Variants in TUBD1 observed in about 807,000 individuals in gnomAD.
TUBD1 encodes tubulin delta 1, also known as tubulin delta chain.
TUBD1 carries 38 observed loss-of-function variants against 51.2 expected under a neutral mutation model. The ratio of observed to expected loss-of-function variants is 0.74; its 90% CI spans 0.57 to 0.97. TUBD1 has a LOEUF of 0.97. Ranked by LOEUF, TUBD1 falls within the 50% of genes least tolerant of loss-of-function variation. The pLI is 0.00. For missense variants in TUBD1, 489 were observed against 538.4 expected (o/e 0.91, Z 0.91); for synonymous variants, 169 against 178.2 (o/e 0.95, Z 0.41).
intron 3 of TUBD1, chr17:59,885,345 G>A (rs2040672996): frequency 2.9e-6 from 2 of 694,246 alleles, no homozygotes; most frequent in Non-Finnish European, 5.3e-6. Flanking sequence ...TGTATACCAG[G>A]AATATGTCCC....
chr17:59,864,353 C>T (rs192094241), intron 7 of TUBD1, among the ~76,000 whole-genome samples: 134 of 151,428 alleles, frequency 8.8e-4, no homozygotes, highest in African/African-American at 2.8e-3. Flanking sequence ...ACCATGTTGG[C>T]CAGGCTGGTC....
intron 3 of TUBD1, among the ~76,000 whole-genome samples, chr17:59,881,858 G>A (rs1451913219): frequency 1.3e-5 from 2 of 151,820 alleles, no homozygotes; most frequent in Non-Finnish European, 2.9e-5. Flanking sequence ...TAGTAGAGAC[G>A]GGGTTTCACC....
intron 3 of TUBD1, among the ~76,000 whole-genome samples, chr17:59,882,592 C>G (rs1459865592): frequency 6.6e-6 from 1 of 151,814 alleles, no homozygotes; most frequent in Non-Finnish European, 1.5e-5. Flanking sequence ...TGGCACCCCC[C>G]ATCCCACATC....
At chr17:59,886,726 G>A (rs1419571346) in intron 2 of TUBD1, 1 of 151,726 alleles carries the variant, frequency 6.6e-6, no homozygotes, top group Non-Finnish European at 1.5e-5. Context: ...CTGGGAATTT[G>A]GAGATGAAGA....
intron 2 of TUBD1, 52 bp from the exon 3 acceptor site, chr17:59,886,282 G>T: frequency 6.6e-7 from 1 of 1,514,500 alleles, no homozygotes; most frequent in Non-Finnish European, 8.9e-7. Flanking sequence ...GATTTATTAT[G>T]TCTTATTTGG....
At chr17:59,888,447 C>G (rs1474818916) in intron 2 of TUBD1, among the ~76,000 whole-genome samples, 1 of 152,116 alleles carries the variant, frequency 6.6e-6, no homozygotes, top group Non-Finnish European at 1.5e-5. Flanking sequence ...ATGTATGCAG[C>G]AAGAGCACAA....
chr17:59,863,422 A>G (rs998554947), intron 8 of TUBD1, among the ~76,000 whole-genome samples: 1 of 152,152 alleles, frequency 6.6e-6, no homozygotes, highest in Non-Finnish European at 1.5e-5. Context: ...CAGCCTGAGC[A>G]ACATGGTGAA....
rs2039577460 is a variant in TUBD1, at chr17:59,863,863, G to A, written c.1076-16C>T. 1 of 1,460,520 alleles carries A rather than the reference G, an allele frequency of 6.8e-7. No homozygotes were observed. The highest frequency in any genetic ancestry group is 9.1e-7 in the Non-Finnish European group (1 of 1,102,694). The allele number at this position is 1,460,520 out of a possible 1,614,324, so 90.5% of individuals were successfully genotyped here. A position where few individuals can be genotyped will look rare whatever the true frequency, so the allele number is the denominator to read the frequency against. Reference sequence around the variant, plus strand: ...TTAAATCCCTCTAGAGTAAAAACAAGATAAGCCGTCTTTTTATAGCATAAA... The same window carrying A: ...TTAAATCCCTCTAGAGTAAAAACAAAATAAGCCGTCTTTTTATAGCATAAA... On this transcript the variant is annotated splice_polypyrimidine_tract_variant and intron_variant, in intron 7 of 8. Coordinates refer to ENST00000325752, the MANE Select transcript of TUBD1 (RefSeq NM_016261.4).
At chr17:59,878,002 C>T in intron 5 of TUBD1, 101 bp downstream of exon 5, 1 of 896,924 alleles carries the variant, frequency 1.1e-6, no homozygotes, top group Middle Eastern at 2.2e-4. Context: ...ATGAGCAAGA[C>T]TTAAGTGTAT....
intron 7 of TUBD1, among the ~76,000 whole-genome samples, chr17:59,865,281 G>A (rs2039645194): frequency 1.3e-5 from 2 of 152,152 alleles, no homozygotes; most frequent in South Asian, 4.1e-4. Context: ...TTTCAGCTGG[G>A]CGCAGTGGCT....
chr17:59,891,251 C>T (rs533741608), intron 1 of TUBD1, among the ~76,000 whole-genome samples: 2 of 152,274 alleles, frequency 1.3e-5, no homozygotes, highest in East Asian at 3.9e-4. Context: ...CTGCCTCAGC[C>T]TCCCGAGTAG....
At chr17:59,863,544 G>A in intron 8 of TUBD1, 120 bp downstream of exon 8, 1 of 718,212 alleles carries the variant, frequency 1.4e-6, no homozygotes, top group Non-Finnish European at 2.0e-6. Context: ...GGGAGGCGGA[G>A]GTTGCAGTGA....
At chr17:59,866,530 G>A (rs2039707113) in intron 7 of TUBD1, 79 bp downstream of exon 7, 3 of 1,533,394 alleles carry the variant, frequency 2.0e-6, no homozygotes, top group Admixed American at 2.1e-5. Context: ...AGAACACAGG[G>A]ACTTTTTAAA....
chr17:59,875,944 A>G (rs530781553), intron 5 of TUBD1, among the ~76,000 whole-genome samples: 1 of 152,286 alleles, frequency 6.6e-6, no homozygotes, highest in South Asian at 2.1e-4. Flanking sequence ...AAAATATATT[A>G]CCATAATATG....
chr17:59,872,002 GGA>G (rs2040002840), intron 6 of TUBD1, among the ~76,000 whole-genome samples: 1 of 151,798 alleles, frequency 6.6e-6, no homozygotes, highest in South Asian at 2.1e-4. Context: ...TGCCCAGGCT[GGA>G]GAGCAGGGGT....
chr17:59,862,763 C>T (rs1239414988), intron 8 of TUBD1, among the ~76,000 whole-genome samples: 8 of 117,964 alleles, frequency 6.8e-5, no homozygotes, highest in African/African-American at 1.4e-4. Flanking sequence ...CTCGCTCTGT[C>T]GCCCAGGCTG....
chr17:59,879,674 G>C (rs1055339972), intron 4 of TUBD1, among the ~76,000 whole-genome samples: 4 of 151,974 alleles, frequency 2.6e-5, no homozygotes, highest in African/African-American at 9.7e-5. Context: ...GGCCTCAAGT[G>C]ATCTGCCCAT....
chr17:59,886,471 C>T, intron 2 of TUBD1: 1 of 390,548 alleles, frequency 2.6e-6, no homozygotes, highest in Non-Finnish European at 4.6e-6. Flanking sequence ...TAAAAGAGTA[C>T]CTGGGTCAGA....
chr17:59,884,924 T>TAAA, intron 3 of TUBD1: 4 of 189,424 alleles, frequency 2.1e-5, no homozygotes, highest in Non-Finnish European at 3.3e-5. Context: ...CTCTGTCTCT[T>TAAA]AAAAAAAAAA....
Sources: allele counts gnomAD v4.1 joint callset (sites outside exome capture counted in the v4.1 genomes callset), GRCh38; gene constraint gnomAD v4.1.1; transcripts MANE v1.5; gene names NCBI Gene and HGNC (gene_info 2026-07-23, HGNC 2026-07-21).